CHFR: variants seen among roughly 807,000 people sequenced by gnomAD.
The protein encoded by CHFR is E3 ubiquitin-protein ligase CHFR.
Under a neutral mutation model 87.6 loss-of-function variants are expected in CHFR, and 57 were observed. That is an observed-to-expected ratio of 0.65 (90% confidence interval 0.53 to 0.81). The LOEUF is 0.81. Among genes scored for constraint, CHFR ranks in the 30% least tolerant of loss-of-function variants. The pLI, the probability that CHFR is intolerant of heterozygous loss-of-function variation, is 0.00. For synonymous variants in CHFR, 381 were observed against 359.2 expected (o/e 1.06, Z -0.69); for missense variants, 797 against 865.8 (o/e 0.92, Z 1.00).
chr12:132,857,666 C>G (rs1175429659), intron 8 of CHFR, 107 bp from the exon 9 acceptor site: 1 of 1,093,860 alleles, frequency 9.1e-7, no homozygotes, highest in East Asian at 2.6e-5. Flanking sequence ...AGGGGCCCAG[C>G]CATCGTTCAA....
intron 2 of CHFR, among the ~76,000 whole-genome samples, chr12:132,882,532 T>C (rs1459014861): frequency 6.6e-6 from 1 of 152,184 alleles, no homozygotes; most frequent in Non-Finnish European, 1.5e-5. Context: ...TGTGCAAACA[T>C]TCTGTACTAT....
chr12:132,860,445 T>C (rs968899494), intron 7 of CHFR, among the ~76,000 whole-genome samples: 7 of 152,324 alleles, frequency 4.6e-5, no homozygotes, highest in African/African-American at 1.7e-4. Context: ...TTCCTGTGCT[T>C]ATTTTTCCTG....
intron 8 of CHFR, among the ~76,000 whole-genome samples, chr12:132,858,204 A>C (rs1159104321): frequency 6.6e-6 from 1 of 152,062 alleles, no homozygotes; most frequent in Non-Finnish European, 1.5e-5. Flanking sequence ...CTAAAAATAC[A>C]AAAAAATTAG....
intron 2 of CHFR, among the ~76,000 whole-genome samples, chr12:132,881,361 A>G (rs996084581): frequency 6.6e-6 from 1 of 152,250 alleles, no homozygotes; most frequent in African/African-American, 2.4e-5. Context: ...CATATCTGAC[A>G]AAGATCTTGT....
intron 10 of CHFR, among the ~76,000 whole-genome samples, chr12:132,856,242 C>T (rs549697602): frequency 1.3e-5 from 2 of 152,310 alleles, no homozygotes; most frequent in South Asian, 4.1e-4. Context: ...CTGGCTACCC[C>T]CTGGCTACCC....
At position 132,859,127 on chromosome 12, in the gene CHFR, G is replaced by A. The variant is rs1951153923; in HGVS notation, c.852C>T (p.Asp284=). The A allele has an allele frequency of 2.5e-6, 4 of 1,614,154 alleles. No individual in the cohort carries two copies. Among genetic ancestry groups the A allele is most frequent in the Non-Finnish European group, 2.5e-6 (3 of 1,180,020 alleles). ...EDVRAAAGKP[D]KMEETLTCII... The stretch of plus-strand genomic sequence containing the variant: ...TGCATGTCAGCGTCTCCTCCATCTT[G>A]TCTGGCTTCCCAGCCGCTGCTCTGA... Residue 284 remains aspartate, a synonymous_variant, in exon 8 of 18, where the codon GAC becomes GAT. Coordinates refer to ENST00000450056, the MANE Select transcript of CHFR (RefSeq NM_001161346.2).
intron 15 of CHFR, among the ~76,000 whole-genome samples, chr12:132,844,779 T>C (rs1310133306): frequency 0.047 from 5,412 of 115,094 alleles, no homozygotes; most frequent in Non-Finnish European, 0.084. Flanking sequence ...TACAGGTGTG[T>C]GCCACCGTGC....
At position 132,835,709 on chromosome 12, in the gene CHFR, C is replaced by T. The variant is rs1950641106; in HGVS notation, c.*5845G>A. The stretch of plus-strand genomic sequence containing the variant: ...AGAAAATACTTTCTGTTGTTTAAGC[C>T]GCCTGTTCTGCGGCGTTTTGATCCA... On this transcript the variant is annotated 3_prime_UTR_variant, in exon 18 of 18. Transcript: ENST00000450056. 1.7e-5 allele frequency: 4 copies of T among 239,808 alleles called. No individual in the cohort carries two copies. Among genetic ancestry groups the T allele is most frequent in the South Asian group, 4.0e-5 (1 of 24,850 alleles). The allele number at this position is 239,808 out of a possible 1,614,324, so 14.9% of individuals were successfully genotyped here. A position where few individuals can be genotyped will look rare whatever the true frequency, so the allele number is the denominator to read the frequency against.
At chr12:132,874,323 G>T (rs1282592247) in intron 3 of CHFR, among the ~76,000 whole-genome samples, 1 of 150,386 alleles carries the variant, frequency 6.6e-6, no homozygotes. Context: ...CCAGCGTGGG[G>T]AAGCCAGGCC....
chr12:132,836,740 G>A lies in CHFR; in HGVS notation c.*4814C>T, dbSNP rs190044764. 227 of 456,094 alleles carry A rather than the reference G, an allele frequency of 5.0e-4. 1 individual carries two copies. The highest frequency in any genetic ancestry group is 7.4e-4 in the South Asian group (48 of 64,562). The allele number at this position is 456,094 out of a possible 1,614,324, so 28.3% of individuals were successfully genotyped here. On this transcript the variant is annotated 3_prime_UTR_variant, in exon 18 of 18. Coordinates refer to ENST00000450056, the MANE Select transcript of CHFR (RefSeq NM_001161346.2). ...AAGGAGACAACCGTGAAAAGTGAGCGACAGAGGAAGGGGCGCCTGTTTGTG... is the reference window on the plus strand; with the variant it reads ...AAGGAGACAACCGTGAAAAGTGAGCAACAGAGGAAGGGGCGCCTGTTTGTG...
At position 132,836,694 on chromosome 12, in the gene CHFR, C is replaced by T. The variant is rs1950649305; in HGVS notation, c.*4860G>A. ...TGTGTGAGGAACTTTAAGACCCCAC[C>T]ATCTAGACTCACCGCCTCAGAAGGA... On this transcript the variant is annotated 3_prime_UTR_variant, in exon 18 of 18. Transcript: ENST00000450056. The T allele has an allele frequency of 2.2e-6, 1 of 456,114 alleles. No individual in the cohort carries two copies. Among genetic ancestry groups the T allele is most frequent in the South Asian group, 1.5e-5 (1 of 64,564 alleles). The allele number at this position is 456,114 out of a possible 1,614,324, so 28.3% of individuals were successfully genotyped here. A position where few individuals can be genotyped will look rare whatever the true frequency, so the allele number is the denominator to read the frequency against.
intron 2 of CHFR, 114 bp from the exon 3 acceptor site, chr12:132,877,768 T>C (rs1356669850): frequency 6.0e-6 from 3 of 502,764 alleles, no homozygotes; most frequent in East Asian, 7.2e-5. Flanking sequence ...TGTACATATG[T>C]AAAAAAAAAC....
At chr12:132,884,874 C>T (rs976210655) in intron 2 of CHFR, among the ~76,000 whole-genome samples, 1 of 152,034 alleles carries the variant, frequency 6.6e-6, no homozygotes, top group Non-Finnish European at 1.5e-5. Context: ...ATTGCTGGAG[C>T]TCAGGAGTTC....
At chr12:132,873,526 T>C (rs1951542017) in intron 3 of CHFR, among the ~76,000 whole-genome samples, 2 of 152,102 alleles carry the variant, frequency 1.3e-5, no homozygotes, top group South Asian at 4.2e-4. Flanking sequence ...ACTTTCTGTG[T>C]CCTCCTGCTC....
At chr12:132,842,086 C>T (rs1950714231) in intron 17 of CHFR, among the ~76,000 whole-genome samples, 1 of 132,038 alleles carries the variant, frequency 7.6e-6, no homozygotes, top group African/African-American at 2.9e-5. Flanking sequence ...TCCAGCCTGG[C>T]AGACAGAGCG....
chr12:132,873,611 CT>C (rs1951546332), intron 3 of CHFR, among the ~76,000 whole-genome samples: 2 of 140,810 alleles, frequency 1.4e-5, no homozygotes, highest in Non-Finnish European at 3.1e-5. Context: ...GACTGACTTT[CT>C]GTGTCCTCCT....
intron 17 of CHFR, among the ~76,000 whole-genome samples, chr12:132,842,420 G>C (rs1003444579): frequency 2.6e-5 from 4 of 152,230 alleles, no homozygotes; most frequent in Non-Finnish European, 5.9e-5. Context: ...CAAAATCCCT[G>C]TGAGGGAGGC....
Position 132,880,732 on chromosome 12 carries a change from C to T in CHFR, c.134-3078G>A, listed in dbSNP as rs181461646. On this transcript the variant is annotated intron_variant, in intron 2 of 17. Transcript: ENST00000450056. The stretch of plus-strand genomic sequence containing the variant: ...CTGTAATCTCAGCACGTTGGGAGGC[C>T]GAGGCGGGCGGATCACAAGGTCAGG... Among the ~76,000 whole-genome samples the T allele has an allele frequency of 1.4e-4, 21 of 148,840 alleles. No homozygotes were observed. In the East Asian group the frequency reaches 1.6e-3, roughly 12 times the overall value.
chr12:132,887,092 A>C (rs1318004740), intron 2 of CHFR, 104 bp downstream of exon 2: 4 of 986,362 alleles, frequency 4.1e-6, no homozygotes, highest in Non-Finnish European at 5.6e-6. Flanking sequence ...ATTTCACTCC[A>C]CGGAAAAATC....
Sources: gnomAD v4.1 joint callset for allele counts (sites outside exome capture counted in the v4.1 genomes callset) on GRCh38, gnomAD v4.1.1 for gene constraint, MANE v1.5 for transcripts, NCBI Gene and HGNC (gene_info 2026-07-23, HGNC 2026-07-21) for gene names.